Variants in NCOR1 observed in about 807,000 individuals in gnomAD.
The protein encoded by NCOR1 is nuclear receptor corepressor 1.
NCOR1 carries 63 observed loss-of-function variants against 288.1 expected under a neutral mutation model. The observed-to-expected ratio is 0.22, with a 90% confidence interval of 0.18 to 0.27. The LOEUF (loss-of-function observed/expected upper bound fraction) is 0.27. Among genes scored for constraint, NCOR1 ranks in the 10% least tolerant of loss-of-function variants. The pLI is 1.00. For missense variants in NCOR1, 2,397 were observed against 3,019.2 expected (o/e 0.79, Z 4.83); for synonymous variants, 1,007 against 1,065.9 (o/e 0.94, Z 1.08).
At chr17:16,164,405 T>G (rs2081571722) in intron 5 of NCOR1, among the ~76,000 whole-genome samples, 1 of 152,052 alleles carries the variant, frequency 6.6e-6, no homozygotes, top group Non-Finnish European at 1.5e-5. Context: ...AATAGGAGAC[T>G]ATAGACAAAA....
intron 31 of NCOR1, among the ~76,000 whole-genome samples, chr17:16,069,856 G>A (rs2061545154): frequency 6.6e-6 from 1 of 152,176 alleles, no homozygotes; most frequent in African/African-American, 2.4e-5. Context: ...TGCCGCTGAA[G>A]GAACAATGTC....
chr17:16,080,153 A>G, intron 25 of NCOR1, 89 bp from the exon 26 acceptor site: 1 of 1,070,312 alleles, frequency 9.3e-7, no homozygotes, highest in East Asian at 2.4e-5. Flanking sequence ...AGAGTACTCA[A>G]CTAAGAAGAA....
intron 1 of NCOR1, among the ~76,000 whole-genome samples, chr17:16,205,634 A>C (rs2091402782): frequency 8.6e-6 from 1 of 116,180 alleles, no homozygotes; most frequent in South Asian, 2.5e-4. Flanking sequence ...AGAAAAGAAA[A>C]GAAAAGAAGA....
At position 16,065,470 on chromosome 17, in the gene NCOR1, T is replaced by G; in HGVS notation, c.4951+15A>C. 1 of 1,612,776 alleles carries G rather than the reference T, an allele frequency of 6.2e-7. No homozygotes were observed. Among genetic ancestry groups the G allele is most frequent in the Non-Finnish European group, 8.5e-7 (1 of 1,178,942 alleles). On this transcript the variant is annotated intron_variant, in intron 33 of 45. Transcript: ENST00000268712. ...ATAATAAATTCTACGAAATCTGAAA[T>G]GCAAAGACACACACCTCTCGTTGCT...
chr17:16,064,083 G>C lies in NCOR1; in HGVS notation c.5206C>G (p.Leu1736Val), dbSNP rs761731765. 2 of 1,614,084 alleles carry C rather than the reference G, an allele frequency of 1.2e-6. No individual in the cohort carries two copies. The highest frequency in any genetic ancestry group is 1.7e-6 in the Non-Finnish European group (2 of 1,179,998). The change falls in exon 35 of 46, where the codon CTC becomes GTC. Residue 1736 changes from leucine to valine, a missense_variant. Physicochemically the swap from Leu to Val is conservative, Grantham distance 32 (BLOSUM62 1). Coordinates refer to ENST00000268712, the MANE Select transcript of NCOR1 (RefSeq NM_006311.4). Reference sequence around the variant, plus strand: ...TTTCACTGACCTGGCCGCAGGTAGAGGTCGGAGGAAGCTGCAGCAATCCGT... The same window carrying C: ...TTTCACTGACCTGGCCGCAGGTAGACGTCGGAGGAAGCTGCAGCAATCCGT... Reference protein sequence around the residue: ...RERIAAASSDLYLRPGSEQPG... With the variant: ...RERIAAASSDVYLRPGSEQPG...
At chr17:16,195,490 G>C (rs2089587245) in intron 1 of NCOR1, among the ~76,000 whole-genome samples, 1 of 151,676 alleles carries the variant, frequency 6.6e-6, no homozygotes, top group Non-Finnish European at 1.5e-5. Flanking sequence ...AAGAAAGAAA[G>C]AAAGAAAAAC....
At chr17:16,044,229 G>A (rs981232221) in intron 42 of NCOR1, among the ~76,000 whole-genome samples, 12 of 151,010 alleles carry the variant, frequency 7.9e-5, no homozygotes, top group African/African-American at 2.7e-4. Context: ...TAACAATTCT[G>A]GTCAGCATTC....
At chr17:16,195,193 C>G (rs1490800934) in intron 1 of NCOR1, among the ~76,000 whole-genome samples, 1 of 152,096 alleles carries the variant, frequency 6.6e-6, no homozygotes, top group East Asian at 1.9e-4. Flanking sequence ...AAAAGAAGGC[C>G]AGGAGCGGTG....
Position 16,183,962 on chromosome 17 carries a change from A to T in NCOR1, c.242+2592T>A, listed in dbSNP as rs79428473. ...ATGGCCGCCTAACTTTTGACAAGGG[A>T]ACCACAGCAACACAGTGGGGAAAGG... On this transcript the variant is annotated intron_variant, in intron 3 of 45. Transcript: ENST00000268712. Among the ~76,000 whole-genome samples, 493 of 152,292 alleles carry T rather than the reference A, an allele frequency of 3.2e-3. 19 individuals carry two copies. The East Asian group carries it at 0.08, about 25-fold the overall frequency.
chr17:16,071,725 GA>G (rs1459881542), intron 29 of NCOR1, 60 bp from the exon 30 acceptor site: 50 of 1,474,188 alleles, frequency 3.4e-5, no homozygotes, highest in Non-Finnish European at 4.2e-5. Flanking sequence ...CAATGCCACG[GA>G]ACTGTGCACT....
intron 26 of NCOR1, among the ~76,000 whole-genome samples, chr17:16,077,375 G>A (rs2062622594): frequency 1.3e-5 from 2 of 149,096 alleles, no homozygotes; most frequent in African/African-American, 5.0e-5. Context: ...CCATGCTCCA[G>A]CCTGGGCAAC....
At chr17:16,095,248 C>G (rs1480875105) in intron 21 of NCOR1, among the ~76,000 whole-genome samples, 2 of 151,144 alleles carry the variant, frequency 1.3e-5, no homozygotes, top group Non-Finnish European at 3.0e-5. Context: ...GCACCTCGGC[C>G]CGGCCGCGAC....
At chr17:16,107,637 A>G (rs1363048491) in intron 19 of NCOR1, among the ~76,000 whole-genome samples, 1 of 152,168 alleles carries the variant, frequency 6.6e-6, no homozygotes, top group African/African-American at 2.4e-5. Context: ...ATTAACATTT[A>G]TAACCCCAGG....
intron 3 of NCOR1, among the ~76,000 whole-genome samples, chr17:16,181,260 T>C (rs550136572): frequency 1.3e-5 from 2 of 151,048 alleles, no homozygotes; most frequent in South Asian, 4.2e-4. Context: ...TGTGTATAAA[T>C]ATTATTCAAC....
intron 14 of NCOR1, among the ~76,000 whole-genome samples, chr17:16,129,320 T>C (rs1258486762): frequency 1.3e-5 from 2 of 152,204 alleles, no homozygotes; most frequent in South Asian, 2.1e-4. Context: ...TTTGTCCTCA[T>C]TGTGACCTTT....
chr17:16,197,288 T>C (rs1483640621), intron 1 of NCOR1, among the ~76,000 whole-genome samples: 1 of 151,090 alleles, frequency 6.6e-6, no homozygotes, highest in Non-Finnish European at 1.5e-5. Context: ...ACCACTGCAC[T>C]CCAGCCTGGG....
rs2067015794 is a variant in NCOR1 at position 16,098,355 on chromosome 17, A to G, written c.2820+12T>C. 1 of 1,612,462 alleles carries G rather than the reference A, an allele frequency of 6.2e-7. No homozygotes were observed. The highest frequency in any genetic ancestry group is 8.5e-7 in the Non-Finnish European group (1 of 1,179,598). On this transcript the variant is annotated intron_variant, in intron 21 of 45. Transcript: ENST00000268712. ...TTCATATTTAGTTTTCTTCCTCACA[A>G]TAAAAACTTACCATTGGTGGGATAA... is the stretch of plus-strand genomic sequence containing the variant.
chr17:16,121,371 T>C (rs1404100350), intron 15 of NCOR1, 102 bp from the exon 16 acceptor site: 4 of 954,644 alleles, frequency 4.2e-6, no homozygotes, highest in African/African-American at 1.8e-5. Flanking sequence ...TGAATAAAAC[T>C]ACCTAATCTC....
intron 18 of NCOR1, 78 bp from the exon 19 acceptor site, chr17:16,108,990 T>C (rs1325928548): frequency 1.0e-5 from 12 of 1,202,494 alleles, no homozygotes; most frequent in Middle Eastern, 2.9e-4. Flanking sequence ...ATGTAGAACA[T>C]TGATAAGCAC....
Sources: allele counts gnomAD v4.1 joint callset (sites outside exome capture counted in the v4.1 genomes callset), GRCh38; gene constraint gnomAD v4.1.1; transcripts MANE v1.5; gene names NCBI Gene and HGNC (gene_info 2026-07-23, HGNC 2026-07-21).